The following RANGRF variants were observed in gnomAD, a reference collection of about 807,000 sequenced individuals.
The protein encoded by RANGRF is RAN guanine nucleotide release factor.
A neutral mutation model predicts 21.8 loss-of-function variants in RANGRF; 17 were observed. The observed-to-expected ratio is 0.78, with a 90% confidence interval of 0.53 to 1.17. The LOEUF is 1.17. Ranked by LOEUF, RANGRF falls within the 50% of genes most tolerant of loss-of-function variation. RANGRF has a pLI of 0.00. For synonymous variants in RANGRF, 97 were observed against 94.3 expected (o/e 1.03, Z -0.17); for missense variants, 225 against 235.5 (o/e 0.96, Z 0.29).
In RANGRF at chr17:8,289,091, G is replaced by C; in HGVS notation, c.194+19G>C. On this transcript the variant is annotated intron_variant, in intron 2 of 4. Transcript: ENST00000226105. ...CTGCGCGGTGAGGGAATGGCCCCCG[G>C]CTGGCCAATGGCAGGGGCGGGGTCG... 1 of 1,612,246 alleles carries C rather than the reference G, an allele frequency of 6.2e-7. No individual in the cohort carries two copies.
intron 4 of RANGRF, 97 bp downstream of exon 4, chr17:8,289,685 C>T: frequency 1.2e-6 from 2 of 1,608,390 alleles, no homozygotes; most frequent in South Asian, 2.2e-5. Context: ...TGGGATCCTC[C>T]AAGGAAGCAG....
intron 4 of RANGRF, 97 bp from the exon 5 acceptor site, chr17:8,289,716 G>A (rs1990330953): frequency 1.2e-6 from 2 of 1,613,674 alleles, no homozygotes; most frequent in East Asian, 4.5e-5. Context: ...GAGGTTTGGG[G>A]TAACTGATAC....
At position 8,289,194 on chromosome 17, in the gene RANGRF, C is replaced by T. The variant is rs534749055; in HGVS notation, c.195-64C>T. ...CACGGGCCGGGAGCCAGGCCTGCAACTTAAAGATGCTCCCGGGGAGGCGAC... is the reference window on the plus strand; with the variant it reads ...CACGGGCCGGGAGCCAGGCCTGCAATTTAAAGATGCTCCCGGGGAGGCGAC... On this transcript the variant is annotated intron_variant, in intron 2 of 4. Coordinates refer to ENST00000226105, the MANE Select transcript of RANGRF (RefSeq NM_016492.5). The T allele has an allele frequency of 1.9e-4, 297 of 1,605,138 alleles. No homozygotes were observed. The African/African-American group carries it at 3.2e-3, about 18-fold the overall frequency.
At chr17:8,289,776 G>A (rs1990336877) in intron 4 of RANGRF, 37 bp from the exon 5 acceptor site, 3 of 1,613,546 alleles carry the variant, frequency 1.9e-6, no homozygotes, top group Non-Finnish European at 2.5e-6. Flanking sequence ...CTCAGGCCTG[G>A]ATGATGTTCT....
Position 8,289,995 on chromosome 17 carries a change from G to A in RANGRF, c.*59G>A, listed in dbSNP as rs1302148871. ...CTTGGGGACTCGGTTCTGTGAGGGGGAAAAGAGGTTGAAAAGAGGGTTTCC... is the reference window on the plus strand; with the variant it reads ...CTTGGGGACTCGGTTCTGTGAGGGGAAAAAGAGGTTGAAAAGAGGGTTTCC... On this transcript the variant is annotated 3_prime_UTR_variant, in exon 5 of 5. Transcript: ENST00000226105. 2.5e-6 allele frequency: 4 copies of A among 1,610,206 alleles called. No homozygotes were observed. The highest frequency in any genetic ancestry group is 2.2e-5 in the South Asian group (2 of 91,014).
chr17:8,289,136 C>A, intron 2 of RANGRF, 64 bp downstream of exon 2: 5 of 1,601,268 alleles, frequency 3.1e-6, no homozygotes, highest in Non-Finnish European at 4.3e-6. Flanking sequence ...GCGGGGCCCG[C>A]GGCCGACGGT....
intron 4 of RANGRF, 71 bp downstream of exon 4, chr17:8,289,659 C>T: frequency 1.9e-6 from 3 of 1,606,022 alleles, no homozygotes; most frequent in Non-Finnish European, 2.6e-6. Context: ...AGGGACAGAA[C>T]AGGGAGACTC....
chr17:8,289,267 T>A lies in RANGRF; in HGVS notation c.204T>A (p.Phe68Leu), dbSNP rs1487623643. ...CGCTTCCCTACTCCAGGTACCACTT[T>A]GAGGATGTTGGTGGCGTGCAGGGGG... is the stretch of plus-strand genomic sequence containing the variant. ...VRGEAAARYHFEDVGGVQGAR... is the reference protein window; with the variant it reads ...VRGEAAARYHLEDVGGVQGAR... Residue 68 changes from phenylalanine (F) to leucine (L), a missense_variant, in exon 3 of 5, where the codon TTT (phenylalanine) becomes TTA (leucine). Coordinates refer to ENST00000226105, the MANE Select transcript of RANGRF (RefSeq NM_016492.5). The A allele has an allele frequency of 1.1e-5, 17 of 1,613,586 alleles. No homozygotes were observed. Among genetic ancestry groups the A allele is most frequent in the Non-Finnish European group, 1.4e-5 (17 of 1,179,932 alleles).
chr17:8,289,192 A>C (rs895125242), intron 2 of RANGRF, 66 bp from the exon 3 acceptor site: 3 of 1,604,380 alleles, frequency 1.9e-6, no homozygotes, highest in Non-Finnish European at 2.6e-6. Context: ...CCAGGCCTGC[A>C]ACTTAAAGAT....
Position 8,289,071 on chromosome 17 carries a change from C to A in RANGRF, c.193C>A (p.Arg65=). The part of the protein sequence containing the change: ...QAHVRGEAAA[R]YHFEDVGGVQ... ...CCACGTACGGGGCGAAGCGGCTGCG[C>A]GGTGAGGGAATGGCCCCCGGCTGGC... The change falls in exon 2 of 5, where the codon CGG becomes AGG. Residue 65 remains arginine (R), a splice_region_variant and synonymous_variant. Transcript: ENST00000226105. The A allele has an allele frequency of 6.2e-7, 1 of 1,613,324 alleles. No individual in the cohort carries two copies. Among genetic ancestry groups the A allele is most frequent in the Non-Finnish European group, 8.5e-7 (1 of 1,179,860 alleles).
rs780167893 is a variant in RANGRF at position 8,289,056 on chromosome 17, G to A, written c.178G>A (p.Gly60Ser). 6.2e-7 allele frequency: 1 copy of A among 1,613,802 alleles called. No individual in the cohort carries two copies. The highest frequency in any genetic ancestry group is 8.5e-7 in the Non-Finnish European group (1 of 1,179,990). ...TCTCGAGCTGCAGGCCCACGTACGGGGCGAAGCGGCTGCGCGGTGAGGGAA... is the reference window on the plus strand; with the variant it reads ...TCTCGAGCTGCAGGCCCACGTACGGAGCGAAGCGGCTGCGCGGTGAGGGAA... ...ELLELQAHVR[G>S]EAAARYHFED... is the part of the protein sequence containing the mutation. The change falls in exon 2 of 5, where the codon GGC becomes AGC. Residue 60 changes from glycine (G) to serine (S), a missense_variant. Transcript: ENST00000226105.
intron 1 of RANGRF, 33 bp from the exon 2 acceptor site, chr17:8,288,923 G>A: frequency 6.2e-7 from 1 of 1,613,732 alleles, no homozygotes; most frequent in Non-Finnish European, 8.5e-7. Context: ...GAAGAGACCG[G>A]GGTCAACCAG....
Position 8,288,837 on chromosome 17 carries a change from A to G in RANGRF, c.49A>G (p.Ile17Val). ...GCTGTTCGGGGGCGCCTTTTCCGCC[A>G]TCCTCCCCATGGGGGCCATTGACGT... is the stretch of plus-strand genomic sequence containing the variant. ...CPLFGGAFSA[I>V]LPMGAIDVSD... The change falls in exon 1 of 5, where the codon ATC (isoleucine) becomes GTC (valine). Residue 17 changes from isoleucine to valine, a missense_variant. Transcript: ENST00000226105. 6.2e-7 allele frequency: 1 copy of G among 1,614,140 alleles called. No homozygotes were observed. Among genetic ancestry groups the G allele is most frequent in the East Asian group, 2.2e-5 (1 of 44,876 alleles).
In RANGRF at chr17:8,290,000, G is replaced by T; in HGVS notation, c.*64G>T. 1 of 1,609,972 alleles carries T rather than the reference G, an allele frequency of 6.2e-7. No homozygotes were observed. Among genetic ancestry groups the T allele is most frequent in the Non-Finnish European group, 8.5e-7 (1 of 1,176,562 alleles). ...GGACTCGGTTCTGTGAGGGGGAAAA[G>T]AGGTTGAAAAGAGGGTTTCCTCTTA... On this transcript the variant is annotated 3_prime_UTR_variant, in exon 5 of 5. Transcript: ENST00000226105.
Position 8,289,292 on chromosome 17 carries a change from G to C in RANGRF, c.229G>C (p.Ala77Pro), listed in dbSNP as rs761466421. Reference sequence around the variant, plus strand: ...TGAGGATGTTGGTGGCGTGCAGGGGGCTAGGGCTGTCCATGTGGAGTCTGT... The same window carrying C: ...TGAGGATGTTGGTGGCGTGCAGGGGCCTAGGGCTGTCCATGTGGAGTCTGT... Reference protein sequence around the residue: ...HFEDVGGVQGARAVHVESVQP... With the variant: ...HFEDVGGVQGPRAVHVESVQP... Residue 77 changes from alanine (A) to proline (P), a missense_variant, in exon 3 of 5, where the codon GCT becomes CCT. Coordinates refer to ENST00000226105, the MANE Select transcript of RANGRF (RefSeq NM_016492.5). The C allele has an allele frequency of 2.5e-6, 4 of 1,613,964 alleles. No individual in the cohort carries two copies. In the South Asian group the frequency reaches 4.4e-5, roughly 18 times the overall value.
At chr17:8,289,704 C>G in intron 4 of RANGRF, 109 bp from the exon 5 acceptor site, 2 of 1,612,150 alleles carry the variant, frequency 1.2e-6, no homozygotes, top group East Asian at 4.5e-5. Flanking sequence ...AGGAGTGGGC[C>G]AGAGGTTTGG....
chr17:8,289,187 C>T (rs1990280499), intron 2 of RANGRF, 71 bp from the exon 3 acceptor site: 4 of 1,602,804 alleles, frequency 2.5e-6, no homozygotes, highest in Non-Finnish European at 8.5e-7. Context: ...GGGAGCCAGG[C>T]CTGCAACTTA....
At chr17:8,289,612 T>C (rs780565888) in intron 4 of RANGRF, 24 bp downstream of exon 4, 1 of 1,609,274 alleles carries the variant, frequency 6.2e-7, no homozygotes, top group Non-Finnish European at 8.5e-7. Flanking sequence ...AACGGGCGGG[T>C]ATCTCATGAC....
At position 8,289,058 on chromosome 17, in the gene RANGRF, C is replaced by T. The variant is rs746995613; in HGVS notation, c.180C>T (p.Gly60=). ...ELLELQAHVR[G]EAAARYHFED... ...TCGAGCTGCAGGCCCACGTACGGGG[C>T]GAAGCGGCTGCGCGGTGAGGGAATG... The change falls in exon 2 of 5, where the codon GGC becomes GGT. Residue 60 remains glycine (G), a synonymous_variant. Transcript: ENST00000226105. 10 of 1,613,700 alleles carry T rather than the reference C, an allele frequency of 6.2e-6. No individual in the cohort carries two copies. Among genetic ancestry groups the T allele is most frequent in the South Asian group, 2.2e-5 (2 of 91,088 alleles).
Sources: allele counts gnomAD v4.1 joint callset, GRCh38; gene constraint gnomAD v4.1.1; transcripts MANE v1.5; gene names NCBI Gene and HGNC (gene_info 2026-07-23, HGNC 2026-07-21).